PFKFB4: variants seen among roughly 807,000 people sequenced by gnomAD.
PFKFB4 encodes the protein 6-phosphofructo-2-kinase/fructose-2,6-biphosphatase 4.
PFKFB4 carries 42 observed loss-of-function variants against 62.8 expected under a neutral mutation model. That is an observed-to-expected ratio of 0.67 (90% CI 0.52 to 0.86). The LOEUF (loss-of-function observed/expected upper bound fraction) is 0.86. PFKFB4 is among the 40% of genes least tolerant of loss of function. The pLI, the probability that PFKFB4 is intolerant of heterozygous loss-of-function variation, is 0.00. For synonymous variants in PFKFB4, 204 were observed against 240.7 expected (o/e 0.85, Z 1.41); for missense variants, 475 against 627.2 (o/e 0.76, Z 2.59).
intron 9 of PFKFB4, among the ~76,000 whole-genome samples, chr3:48,535,181 G>T (rs1341092053): frequency 6.6e-6 from 1 of 152,166 alleles, no homozygotes; most frequent in Non-Finnish European, 1.5e-5. Flanking sequence ...CTGGGAGGTT[G>T]GCTATGGCTG....
In PFKFB4 at chr3:48,556,231, G is replaced by C. The variant is rs989121468; in HGVS notation, c.97+450C>G. 1.1e-5 allele frequency: 5 copies of C among 464,382 alleles called. No individual in the cohort carries two copies. The highest frequency in any genetic ancestry group is 7.9e-5 in the African/African-American group (4 of 50,418). The allele number at this position is 464,382 out of a possible 1,614,324, so 28.8% of individuals were successfully genotyped here. ...TTGGAAAACTAGCCCACCTTTGAAA[G>C]TTCTGGGCTCAGAGAGGCCAAGTAA... On this transcript the variant is annotated intron_variant, in intron 1 of 13. Coordinates refer to ENST00000232375, the MANE Select transcript of PFKFB4 (RefSeq NM_004567.4). This position sits in a 1 kb window ranked among gnomAD's most constrained non-coding sequence, Gnocchi z 5.7.
intron 1 of PFKFB4, among the ~76,000 whole-genome samples, chr3:48,554,306 A>G (rs2043246779): frequency 6.6e-6 from 1 of 152,192 alleles, no homozygotes; most frequent in South Asian, 2.1e-4. Flanking sequence ...GTGTTGCCCA[A>G]ATGCAGGCAC....
chr3:48,526,398 C>G (rs1268931663), intron 9 of PFKFB4, among the ~76,000 whole-genome samples: 1 of 151,626 alleles, frequency 6.6e-6, no homozygotes, highest in Admixed American at 6.6e-5. Context: ...CATGATGAAT[C>G]CCCGTCTCTA....
At chr3:48,560,013 C>T (rs908489959), upstream of PFKFB4, among the ~76,000 whole-genome samples, 6 of 151,948 alleles carry the variant, frequency 3.9e-5, no homozygotes, top group Non-Finnish European at 8.8e-5. Flanking sequence ...CAGCCTTGAA[C>T]TCCTGGCCTC....
rs2043322460 is a variant in PFKFB4 at position 48,556,413 on chromosome 3, A to G, written c.97+268T>C. Among the ~76,000 whole-genome samples, 2 of 152,006 alleles carry G rather than the reference A, an allele frequency of 1.3e-5. No homozygotes were observed. Among genetic ancestry groups the G allele is most frequent in the African/African-American group, 4.8e-5 (2 of 41,380 alleles). On this transcript the variant is annotated intron_variant, in intron 1 of 13. Coordinates refer to ENST00000232375, the MANE Select transcript of PFKFB4 (RefSeq NM_004567.4). The surrounding 1 kb of genome is among the most constrained non-coding windows in gnomAD (Gnocchi z 5.7). ...AGCGAGGGGGCCAGAGCCCTCCCCGAGGTGATGGTGGCCAGACCTAGCCAC... is the reference window on the plus strand; with the variant it reads ...AGCGAGGGGGCCAGAGCCCTCCCCGGGGTGATGGTGGCCAGACCTAGCCAC...
chr3:48,523,840 C>T lies in PFKFB4; in HGVS notation c.1093-10G>A. 2.5e-6 allele frequency: 4 copies of T among 1,612,320 alleles called. No individual in the cohort carries two copies. The highest frequency in any genetic ancestry group is 3.4e-6 in the Non-Finnish European group (4 of 1,178,952). On this transcript the variant is annotated splice_polypyrimidine_tract_variant and intron_variant, in intron 10 of 13. Transcript: ENST00000232375. ...CCAGGTCCTCGTAGGACTGCAAGGG[C>T]AAGCAGAGAGGGGTCCCTCAGGCCT...
Position 48,539,787 on chromosome 3 carries a change from G to A in PFKFB4, c.379-16C>T, listed in dbSNP as rs767855083. On this transcript the variant is annotated splice_polypyrimidine_tract_variant and intron_variant, in intron 4 of 13. Coordinates refer to ENST00000232375, the MANE Select transcript of PFKFB4 (RefSeq NM_004567.4). ...CATCAAAAACCTAGGACCAAACTAG[G>A]GTTAACTCAGCCTCTGGCCCTGGGG... The A allele has an allele frequency of 6.2e-7, 1 of 1,609,472 alleles. No individual in the cohort carries two copies. Among genetic ancestry groups the A allele is most frequent in the Non-Finnish European group, 8.5e-7 (1 of 1,175,742 alleles).
intron 9 of PFKFB4, among the ~76,000 whole-genome samples, chr3:48,535,056 G>A (rs541626501): frequency 1.5e-4 from 23 of 152,186 alleles, no homozygotes; most frequent in African/African-American, 4.8e-4. Flanking sequence ...TGATCCGCCC[G>A]CCTCAGCCTC....
Position 48,521,945 on chromosome 3 carries a change from T to A in PFKFB4, c.1350+41A>T. 1 of 1,566,068 alleles carries A rather than the reference T, an allele frequency of 6.4e-7. No individual in the cohort carries two copies. The highest frequency in any genetic ancestry group is 2.2e-5 in the East Asian group (1 of 44,670). On this transcript the variant is annotated intron_variant, in intron 13 of 13. Coordinates refer to ENST00000232375, the MANE Select transcript of PFKFB4 (RefSeq NM_004567.4). This position sits in a 1 kb window ranked among gnomAD's most constrained non-coding sequence, Gnocchi z 5.3. ...GATGTGCAGTCTGGACACCCCCACATCAGGAACACCCCGCTACCCCAGCAG... is the reference window on the plus strand; with the variant it reads ...GATGTGCAGTCTGGACACCCCCACAACAGGAACACCCCGCTACCCCAGCAG...
At chr3:48,538,704 G>C in intron 6 of PFKFB4, 85 bp from the exon 7 acceptor site, 1 of 1,570,418 alleles carries the variant, frequency 6.4e-7, no homozygotes, top group Middle Eastern at 1.7e-4. Context: ...TGGGCAGGGG[G>C]CTGGAGGAGG....
At chr3:48,527,001 G>T (rs577275694) in intron 9 of PFKFB4, among the ~76,000 whole-genome samples, 1 of 151,542 alleles carries the variant, frequency 6.6e-6, no homozygotes, top group Non-Finnish European at 1.5e-5. Flanking sequence ...AGGGAAGAAA[G>T]CCATGTGATG....
In PFKFB4 at chr3:48,539,704, C is replaced by G. The variant is rs200524007; in HGVS notation, c.446G>C (p.Gly149Ala). Reference sequence around the variant, plus strand: ...GAGCCAAGGAGGCCTCACCTTGTAGCCATTCTGTTCTCCAAAATTAAAGAT... The same window carrying G: ...GAGCCAAGGAGGCCTCACCTTGTAGGCATTCTGTTCTCCAAAATTAAAGAT... ...ATIFNFGEQN[G>A]YKTFFVESIC... The change falls in exon 5 of 14, where the codon GGC (glycine) becomes GCC (alanine). Residue 149 changes from glycine (G) to alanine (A), a missense_variant. By Grantham distance (60) the Gly-to-Ala change is moderately conservative. Coordinates refer to ENST00000232375, the MANE Select transcript of PFKFB4 (RefSeq NM_004567.4). 4.3e-6 allele frequency: 7 copies of G among 1,613,696 alleles called. No individual in the cohort carries two copies. Among genetic ancestry groups the G allele is most frequent in the Middle Eastern group, 1.6e-4 (1 of 6,082 alleles).
intron 3 of PFKFB4, among the ~76,000 whole-genome samples, chr3:48,545,872 T>C (rs1434867203): frequency 1.3e-5 from 2 of 152,154 alleles, no homozygotes; most frequent in Non-Finnish European, 2.9e-5. Context: ...GTAACTGGCA[T>C]TGGTAGGGAC....
upstream of PFKFB4, chr3:48,556,822 GC>G: frequency 4.5e-6 from 7 of 1,562,632 alleles, no homozygotes; most frequent in Non-Finnish European, 6.0e-6. The surrounding 1 kb of genome is among the most constrained non-coding windows in gnomAD (Gnocchi z 5.7). Context: ...CAACCCAGCA[GC>G]CGGGCCACCT....
At position 48,519,391 on chromosome 3, in the gene PFKFB4, A is replaced by T. The variant is rs1179357041; in HGVS notation, c.*356T>A. On this transcript the variant is annotated 3_prime_UTR_variant, in exon 14 of 14. Coordinates refer to ENST00000232375, the MANE Select transcript of PFKFB4 (RefSeq NM_004567.4). ...CCACAGTAGGAACATCACAGCAAGCACTTTCCTTTCACATTGTAGGGTTTC... is the reference window on the plus strand; with the variant it reads ...CCACAGTAGGAACATCACAGCAAGCTCTTTCCTTTCACATTGTAGGGTTTC... 1.8e-5 allele frequency: 4 copies of T among 223,658 alleles called. No individual in the cohort carries two copies. Among genetic ancestry groups the T allele is most frequent in the Non-Finnish European group, 3.6e-5 (4 of 112,022 alleles). 13.9% of individuals were successfully genotyped at this position (223,658 alleles called of 1,614,324 possible). A position where few individuals can be genotyped will look rare whatever the true frequency, so the allele number is the denominator to read the frequency against.
In PFKFB4 at chr3:48,521,954, C is replaced by A. The variant is rs371592081; in HGVS notation, c.1350+32G>T. ...TCTGGACACCCCCACATCAGGAACA[C>A]CCCGCTACCCCAGCAGTGACCCCAT... On this transcript the variant is annotated intron_variant, in intron 13 of 13. Coordinates refer to ENST00000232375, the MANE Select transcript of PFKFB4 (RefSeq NM_004567.4). This position sits in a 1 kb window ranked among gnomAD's most constrained non-coding sequence, Gnocchi z 5.3. The A allele has an allele frequency of 1.3e-5, 20 of 1,597,414 alleles. No individual in the cohort carries two copies. The Admixed American group carries it at 2.3e-4, about 19-fold the overall frequency.
At chr3:48,529,782 C>T (rs972534017) in intron 9 of PFKFB4, among the ~76,000 whole-genome samples, 33 of 152,006 alleles carry the variant, frequency 2.2e-4, no homozygotes, top group Admixed American at 9.8e-4. Context: ...GGTGAAGCCC[C>T]ATCTTTACAG....
upstream of PFKFB4, among the ~76,000 whole-genome samples, chr3:48,557,596 G>A (rs889311326): frequency 1.3e-5 from 2 of 152,140 alleles, no homozygotes; most frequent in Non-Finnish European, 2.9e-5. Context: ...GAGTGCAATG[G>A]CGCTATCTTG....
intron 6 of PFKFB4, 115 bp from the exon 7 acceptor site, chr3:48,538,734 G>T: frequency 7.6e-7 from 1 of 1,320,724 alleles, no homozygotes; most frequent in Non-Finnish European, 1.0e-6. Flanking sequence ...AGACCAGTGC[G>T]GGAACCTGAG....
Sources: allele counts gnomAD v4.1 joint callset (sites outside exome capture counted in the v4.1 genomes callset), GRCh38; gene constraint gnomAD v4.1.1; non-coding constraint Gnocchi (gnomAD v3.1); transcripts MANE v1.5; gene names NCBI Gene and HGNC (gene_info 2026-07-23, HGNC 2026-07-21).